EGF: variants seen among roughly 807,000 people sequenced by gnomAD.
EGF encodes the protein pro-epidermal growth factor.
A neutral mutation model predicts 143.8 loss-of-function variants in EGF; 95 were observed. That is an observed-to-expected ratio of 0.66 (90% CI 0.56 to 0.78). EGF has a LOEUF of 0.78. Ranked by LOEUF, EGF falls within the 30% of genes least tolerant of loss-of-function variation. The pLI is 0.00. For missense variants in EGF, 1,320 were observed against 1,470.9 expected (o/e 0.90, Z 1.68); for synonymous variants, 510 against 510.5 (o/e 1.00, Z 0.01).
chr4:109,951,254 AG>A (rs1170123947), intron 5 of EGF, among the ~76,000 whole-genome samples: 2 of 152,126 alleles, frequency 1.3e-5, no homozygotes, highest in Non-Finnish European at 2.9e-5. Context: ...GCTATTTGGG[AG>A]GCTGAGACAG....
chr4:110,001,342 T>G (rs1752551292), intron 21 of EGF, among the ~76,000 whole-genome samples: 1 of 152,228 alleles, frequency 6.6e-6, no homozygotes. Flanking sequence ...AAGAGTCATA[T>G]GCTCTAAGCC....
At position 109,968,951 on chromosome 4, in the gene EGF, GC is replaced by G; in HGVS notation, c.1576-18del. The G allele has an allele frequency of 6.2e-7, 1 of 1,613,892 alleles. No individual in the cohort carries two copies. The highest frequency in any genetic ancestry group is 8.5e-7 in the Non-Finnish European group (1 of 1,179,908). On this transcript the variant is annotated intron_variant, in intron 10 of 23. Coordinates refer to ENST00000265171, the MANE Select transcript of EGF (RefSeq NM_001963.6). ...TTAGTTTTAAAAAAAAATCAGAAAT[GC>G]CTGTGTTCTCTTTTGTAGATATACT...
At chr4:109,963,323 T>G in intron 9 of EGF, 25 bp downstream of exon 9, 2 of 1,613,680 alleles carry the variant, frequency 1.2e-6, no homozygotes, top group Non-Finnish European at 1.7e-6. Context: ...TGTCTGGAAC[T>G]GTGTCCCTGA....
intron 13 of EGF, chr4:109,977,398 T>G (rs1263635309): frequency 6.6e-6 from 1 of 152,238 alleles, no homozygotes. Flanking sequence ...GATATGCTTA[T>G]GCACAACCTT....
At position 109,918,255 on chromosome 4, in the gene EGF, G is replaced by T. The variant is rs1196513980; in HGVS notation, c.127+4793G>T. Reference sequence around the variant, plus strand: ...TCCTTTCTCTTGATTGCTAGGTGTGGTTTTTTTTTTTTTTTTAAATTTCAA... The same window carrying T: ...TCCTTTCTCTTGATTGCTAGGTGTGTTTTTTTTTTTTTTTTTAAATTTCAA... On this transcript the variant is annotated intron_variant, in intron 1 of 23. Transcript: ENST00000265171. Among the ~76,000 whole-genome samples the T allele has an allele frequency of 3.8e-3, 543 of 143,474 alleles. 5 individuals are homozygous for T. The highest frequency in any genetic ancestry group is 4.9e-3 in the Non-Finnish European group (324 of 65,598). 94.1% of individuals were successfully genotyped at this position (143,474 alleles called of 152,430 possible).
At chr4:109,970,686 C>A (rs1000083582) in intron 11 of EGF, among the ~76,000 whole-genome samples, 2 of 151,828 alleles carry the variant, frequency 1.3e-5, no homozygotes, top group East Asian at 3.9e-4. Flanking sequence ...ATTAGCCGGG[C>A]GGGTGGTGGG....
chr4:109,967,133 A>G lies in EGF; in HGVS notation c.1576-1838A>G, dbSNP rs184715170. Among the ~76,000 whole-genome samples, 93 of 152,328 alleles carry G rather than the reference A, an allele frequency of 6.1e-4. 1 individual carries two copies. Among genetic ancestry groups the G allele is most frequent in the East Asian group, 1.9e-4 (1 of 5,196 alleles). ...TTCTTTGCCTAGGCAAATGTCCAGA[A>G]GAGTTTCTTTTAGTTCTTCTTCTAG... On this transcript the variant is annotated intron_variant, in intron 10 of 23. Transcript: ENST00000265171.
intron 15 of EGF, among the ~76,000 whole-genome samples, chr4:109,982,617 C>T (rs1454719168): frequency 4.6e-5 from 7 of 151,938 alleles, no homozygotes; most frequent in African/African-American, 7.3e-5. Context: ...CATGAGCCAC[C>T]GTGCCCGGCC....
intron 1 of EGF, among the ~76,000 whole-genome samples, chr4:109,934,970 T>C (rs1231689550): frequency 6.6e-6 from 1 of 152,188 alleles, no homozygotes; most frequent in Non-Finnish European, 1.5e-5. Context: ...TGTAGCCTTG[T>C]AGTGTATTTT....
intron 5 of EGF, among the ~76,000 whole-genome samples, chr4:109,955,830 G>A (rs1744702508): frequency 1.3e-5 from 2 of 152,258 alleles, no homozygotes; most frequent in South Asian, 4.1e-4. Context: ...AATGTGAATA[G>A]GGCACATGCC....
chr4:109,948,125 C>T (rs1743166665), intron 5 of EGF, among the ~76,000 whole-genome samples: 1 of 152,164 alleles, frequency 6.6e-6, no homozygotes, highest in South Asian at 2.1e-4. Context: ...AAAGTGCAGC[C>T]CCAAACAATG....
At chr4:109,939,653 T>C (rs1265338941) in intron 1 of EGF, among the ~76,000 whole-genome samples, 5 of 152,206 alleles carry the variant, frequency 3.3e-5, no homozygotes, top group Admixed American at 2.6e-4. Context: ...ACCTGAGTTG[T>C]TCCTATTCGG....
intron 17 of EGF, among the ~76,000 whole-genome samples, chr4:109,988,143 T>C (rs1049152228): frequency 7.0e-6 from 1 of 143,678 alleles, no homozygotes; most frequent in Non-Finnish European, 1.5e-5. Context: ...AAGCATGAAT[T>C]TGAGTTCAAG....
chr4:109,917,614 G>C (rs1184365475), intron 1 of EGF, among the ~76,000 whole-genome samples: 2 of 151,914 alleles, frequency 1.3e-5, no homozygotes, highest in South Asian at 4.2e-4. Context: ...TGATCAGTTG[G>C]TTTTTTATTT....
chr4:109,918,327 A>G (rs1390799213), intron 1 of EGF, among the ~76,000 whole-genome samples: 1 of 151,286 alleles, frequency 6.6e-6, no homozygotes, highest in African/African-American at 2.4e-5. Context: ...AGAGTGTGTA[A>G]TGGTAGAAAC....
rs1227926870 is a variant in EGF, at chr4:110,011,878, A to C, written c.*423A>C. The C allele has an allele frequency of 4.1e-6, 1 of 244,940 alleles. No individual in the cohort carries two copies. The highest frequency in any genetic ancestry group is 1.0e-4 in the East Asian group (1 of 9,964). The allele number at this position is 244,940 out of a possible 1,614,324, so 15.2% of individuals were successfully genotyped here. ...ACAGAACATTTATATCAGTTTCATGAAATGATTGGAATATTACAATACCGT... is the reference window on the plus strand; with the variant it reads ...ACAGAACATTTATATCAGTTTCATGCAATGATTGGAATATTACAATACCGT... On this transcript the variant is annotated 3_prime_UTR_variant, in exon 24 of 24. Coordinates refer to ENST00000265171, the MANE Select transcript of EGF (RefSeq NM_001963.6).
rs1345867648 is a variant in EGF, at chr4:109,976,075, T to C, written c.1893T>C (p.Leu631=). The C allele has an allele frequency of 1.2e-6, 2 of 1,613,974 alleles. No individual in the cohort carries two copies. The highest frequency in any genetic ancestry group is 2.2e-5 in the East Asian group (1 of 44,900). Residue 631 remains leucine, a synonymous_variant, in exon 13 of 24, where the codon CTT becomes CTC. Transcript: ENST00000265171. The part of the protein sequence containing the change: ...PRIESSSLQG[L]GRLVIASSDL... ...TTGAAAGTTCTTCCCTCCAAGGCCT[T>C]GGCCGTCTGGTTATAGCCAGCTCTG...
chr4:109,920,688 G>C (rs1034755275), intron 1 of EGF, among the ~76,000 whole-genome samples: 1 of 151,682 alleles, frequency 6.6e-6, no homozygotes, highest in Non-Finnish European at 1.5e-5. Context: ...AGTTTCTCAT[G>C]TGAGAATTAG....
At chr4:110,009,777 G>C (rs1753770314) in intron 23 of EGF, among the ~76,000 whole-genome samples, 1 of 152,174 alleles carries the variant, frequency 6.6e-6, no homozygotes, top group Non-Finnish European at 1.5e-5. Context: ...CTCTGAGCCA[G>C]TCTCTTCTCT....
Sources: gnomAD v4.1 joint callset for allele counts (sites outside exome capture counted in the v4.1 genomes callset) on GRCh38, gnomAD v4.1.1 for gene constraint, MANE v1.5 for transcripts, NCBI Gene and HGNC (gene_info 2026-07-23, HGNC 2026-07-21) for gene names.